The following PDZD8 variants were observed in gnomAD, a reference collection of about 807,000 sequenced individuals.
The protein encoded by PDZD8 is PDZ domain-containing protein 8.
PDZD8 carries 14 observed loss-of-function variants against 85.8 expected under a neutral mutation model. The observed-to-expected ratio is 0.16, with a 90% CI of 0.11 to 0.26. PDZD8 has a LOEUF of 0.26. Among genes scored for constraint, PDZD8 ranks in the 10% least tolerant of loss-of-function variants. The probability of loss-of-function intolerance (pLI) is 1.00; values close to 1 mark genes in which losing one functional copy is unlikely to be tolerated. For synonymous variants in PDZD8, 592 were observed against 568.6 expected, an observed-to-expected ratio of 1.04 and a Z score of -0.59; for missense variants, 1,197 against 1,424.3, an observed-to-expected ratio of 0.84 and a Z score of 2.57.
intron 2 of PDZD8, among the ~76,000 whole-genome samples, chr10:117,331,054 G>A (rs996866641): frequency 2.0e-5 from 3 of 152,266 alleles, no homozygotes; most frequent in African/African-American, 7.2e-5. Context: ...AAATTAGACA[G>A]CCTCATATAG....
intron 3 of PDZD8, among the ~76,000 whole-genome samples, chr10:117,298,432 C>CA (rs1036388846): frequency 6.6e-6 from 1 of 151,806 alleles, no homozygotes; most frequent in African/African-American, 2.4e-5. Context: ...CTTAATATAC[C>CA]AAATTTTAGA....
chr10:117,304,517 T>G (rs1183527198), intron 3 of PDZD8, among the ~76,000 whole-genome samples: 1 of 152,100 alleles, frequency 6.6e-6, no homozygotes, highest in Non-Finnish European at 1.5e-5. Flanking sequence ...TGACTGGTTT[T>G]GAAATGTGAA....
chr10:117,359,181 G>A (rs187814567), intron 1 of PDZD8, among the ~76,000 whole-genome samples: 25 of 152,300 alleles, frequency 1.6e-4, no homozygotes, highest in African/African-American at 5.3e-4. Context: ...TTGGGAGGCC[G>A]AGGTAAGTGG....
chr10:117,338,416 G>A (rs990492848), intron 2 of PDZD8, among the ~76,000 whole-genome samples: 4 of 152,118 alleles, frequency 2.6e-5, no homozygotes, highest in African/African-American at 7.2e-5. Flanking sequence ...AACCTAAGCC[G>A]ACAGTTACAT....
chr10:117,320,086 C>T (rs1390304376), intron 2 of PDZD8, among the ~76,000 whole-genome samples: 1 of 151,954 alleles, frequency 6.6e-6, no homozygotes, highest in Non-Finnish European at 1.5e-5. Context: ...AAAACAAACC[C>T]CTAAAATTCT....
At chr10:117,359,363 C>T (rs1844955642) in intron 1 of PDZD8, among the ~76,000 whole-genome samples, 1 of 151,758 alleles carries the variant, frequency 6.6e-6, no homozygotes. Context: ...TTACACTGAG[C>T]CATGAGTGTG....
In PDZD8 at chr10:117,374,519, G is replaced by A. The variant is rs1293503849; in HGVS notation, c.709C>T (p.Pro237Ser). The change falls in exon 1 of 5, where the codon CCC (proline) becomes TCC (serine). Residue 237 changes from proline (P) to serine (S), a missense_variant. Coordinates refer to ENST00000334464, the MANE Select transcript of PDZD8 (RefSeq NM_173791.5). This position sits in a 1 kb window ranked among gnomAD's most constrained non-coding sequence, Gnocchi z 7.8. ...AAGGAGAAGAACCAGTGGGTGAAGG[G>A]CACGCGCGTAAAGACCAAGCGCAGC... ...GRLRLVFTRV[P>S]FTHWFFSFVE... 2 of 1,611,858 alleles carry A rather than the reference G, an allele frequency of 1.2e-6. No individual in the cohort carries two copies. Among genetic ancestry groups the A allele is most frequent in the Non-Finnish European group, 8.5e-7 (1 of 1,179,018 alleles).
rs1406918761 is a variant in PDZD8 at position 117,285,040 on chromosome 10, G to C, written c.1693C>G (p.Pro565Ala). 1 of 1,613,952 alleles carries C rather than the reference G, an allele frequency of 6.2e-7. No individual in the cohort carries two copies. Among genetic ancestry groups the C allele is most frequent in the Admixed American group, 1.7e-5 (1 of 60,002 alleles). ...KIQSKDGNKPPPLKTSEITDP... is the reference protein window; with the variant it reads ...KIQSKDGNKPAPLKTSEITDP... ...GTTATCTCAGAAGTTTTTAGGGGTGGAGGTTTATTTCCATCTTTGGACTGA... is the reference window on the plus strand; with the variant it reads ...GTTATCTCAGAAGTTTTTAGGGGTGCAGGTTTATTTCCATCTTTGGACTGA... The change falls in exon 5 of 5, where the codon CCA (proline) becomes GCA (alanine). Residue 565 changes from proline to alanine, a missense_variant. Transcript: ENST00000334464.
At chr10:117,349,865 T>C (rs930722093) in intron 1 of PDZD8, among the ~76,000 whole-genome samples, 2 of 151,962 alleles carry the variant, frequency 1.3e-5, no homozygotes, top group Non-Finnish European at 1.5e-5. Context: ...GAATGGAAAA[T>C]AGTTAATATA....
At chr10:117,317,631 CAAAGT>C (rs1474474334) in intron 3 of PDZD8, among the ~76,000 whole-genome samples, 1 of 152,116 alleles carries the variant, frequency 6.6e-6, no homozygotes, top group Non-Finnish European at 1.5e-5. Context: ...ATGACCAATT[CAAAGT>C]AAACGCAAAA....
chr10:117,371,173 GTTTA>G (rs1218616534), intron 1 of PDZD8, among the ~76,000 whole-genome samples: 3 of 152,062 alleles, frequency 2.0e-5, no homozygotes, highest in Non-Finnish European at 2.9e-5. Context: ...TCACCAGTTT[GTTTA>G]TTTATTTATT....
intron 3 of PDZD8, among the ~76,000 whole-genome samples, chr10:117,309,404 A>AC (rs141566469): frequency 0.76 from 115,635 of 151,494 alleles, 44,819 homozygotes; most frequent in Non-Finnish European, 0.84. Context: ...TAAAAAAAAA[A>AC]AAAACATAGT....
intron 1 of PDZD8, among the ~76,000 whole-genome samples, chr10:117,373,731 G>A (rs981041114): frequency 2.0e-5 from 3 of 151,606 alleles, no homozygotes; most frequent in East Asian, 1.9e-4. Context: ...AGTAAGCCGA[G>A]ATCGCGCCAC....
Position 117,374,803 on chromosome 10 carries a change from C to A in PDZD8, c.425G>T (p.Gly142Val). ...CAGGAACACGTCCCGCAGGCTCAGC[C>A]CCTCCAGCAGGCGCCCGGCCGTCTT... ...QTKTAGRLLE[G>V]LSLRDVFLGE... The change falls in exon 1 of 5, where the codon GGG (glycine) becomes GTG (valine). Residue 142 changes from glycine to valine, a missense_variant. Gly to Val is a moderately radical substitution (Grantham distance 109). Transcript: ENST00000334464. This position sits in a 1 kb window ranked among gnomAD's most constrained non-coding sequence, Gnocchi z 7.8. 6.2e-7 allele frequency: 1 copy of A among 1,613,376 alleles called. No individual in the cohort carries two copies. The highest frequency in any genetic ancestry group is 8.5e-7 in the Non-Finnish European group (1 of 1,179,884).
At chr10:117,293,956 G>C (rs1015258561) in intron 3 of PDZD8, among the ~76,000 whole-genome samples, 1 of 152,210 alleles carries the variant, frequency 6.6e-6, no homozygotes, top group Middle Eastern at 3.4e-3. Flanking sequence ...AATAATTCAT[G>C]AGTTAAAGAA....
At chr10:117,322,261 G>C (rs1273949133) in intron 2 of PDZD8, among the ~76,000 whole-genome samples, 2 of 152,132 alleles carry the variant, frequency 1.3e-5, no homozygotes, top group South Asian at 2.1e-4. Flanking sequence ...CCATATGAAG[G>C]GACATGAAGG....
At chr10:117,335,688 C>G (rs1844504634) in intron 2 of PDZD8, among the ~76,000 whole-genome samples, 1 of 152,160 alleles carries the variant, frequency 6.6e-6, no homozygotes, top group Admixed American at 6.6e-5. Context: ...ACACCATAAT[C>G]ACACCAAAGA....
At position 117,375,209 on chromosome 10, in the gene PDZD8, T is replaced by C; in HGVS notation, c.19A>G (p.Ile7Val). 1 of 1,533,748 alleles carries C rather than the reference T, an allele frequency of 6.5e-7. No individual in the cohort carries two copies. MGLLLMILASAVLGSFL... is the reference protein window; with the variant it reads MGLLLMVLASAVLGSFL... ...GAACCCAGCACGGCCGACGCCAGGATCATGAGCAGCAGCCCCATCCCGCCA... is the reference window on the plus strand; with the variant it reads ...GAACCCAGCACGGCCGACGCCAGGACCATGAGCAGCAGCCCCATCCCGCCA... The change falls in exon 1 of 5, where the codon ATC becomes GTC. Residue 7 changes from isoleucine (I) to valine (V), a missense_variant. Around this residue, in one of 4 missense-constraint regions of PDZD8, gnomAD observed 172 missense variants for 137.8 expected, o/e 1.25. Transcript: ENST00000334464.
At chr10:117,285,783 A>G (rs1844651869) in intron 4 of PDZD8, 2 of 1,025,340 alleles carry the variant, frequency 2.0e-6, no homozygotes, top group Non-Finnish European at 2.3e-6. Context: ...AGGTTAGATG[A>G]CATCTCTCAG....
Sources: gnomAD v4.1 joint callset for allele counts (sites outside exome capture counted in the v4.1 genomes callset) on GRCh38, gnomAD v4.1.1 for gene constraint, gnomAD v4.1.1 regional missense constraint, Gnocchi (gnomAD v3.1) non-coding constraint, MANE v1.5 for transcripts, NCBI Gene and HGNC (gene_info 2026-07-23, HGNC 2026-07-21) for gene names.